The following ZFHX3 variants were observed in gnomAD, a reference collection of about 807,000 sequenced individuals.
ZFHX3 encodes zinc finger homeobox 3, also known as zinc finger homeobox protein 3.
A neutral mutation model predicts 279.1 loss-of-function variants in ZFHX3; 42 were observed. That is an observed-to-expected ratio of 0.15 (90% CI 0.12 to 0.19). ZFHX3 has a LOEUF of 0.19. ZFHX3 is among the 10% of genes least tolerant of loss of function. The pLI, the probability that ZFHX3 is intolerant of heterozygous loss-of-function variation, is 1.00. For synonymous variants in ZFHX3, 2,293 were observed against 1,957.8 expected, an observed-to-expected ratio of 1.17 and a Z score of -4.52; for missense variants, 4,981 against 4,754.0, an observed-to-expected ratio of 1.05 and a Z score of -1.40.
intron 5 of ZFHX3, among the ~76,000 whole-genome samples, chr16:73,145,543 T>C (rs1018005684): frequency 7.9e-5 from 12 of 152,356 alleles, no homozygotes; most frequent in Admixed American, 4.6e-4. Flanking sequence ...TGATTGTTGA[T>C]GGAGAGCCAG....
intron 3 of ZFHX3, among the ~76,000 whole-genome samples, chr16:73,397,430 T>C (rs2017152982): frequency 1.3e-5 from 2 of 152,090 alleles, no homozygotes; most frequent in Admixed American, 6.5e-5. Context: ...CTAAGTGTGA[T>C]GTGAAGCCAC....
chr16:73,057,970 G>C (rs1965597756), intron 1 of ZFHX3, among the ~76,000 whole-genome samples: 1 of 147,932 alleles, frequency 6.8e-6, no homozygotes, highest in South Asian at 2.1e-4. Context: ...CTCTCGGGGT[G>C]GGGCAAAGTT....
intron 2 of ZFHX3, among the ~76,000 whole-genome samples, chr16:73,462,333 A>C (rs946025054): frequency 6.6e-6 from 1 of 152,086 alleles, no homozygotes; most frequent in Non-Finnish European, 1.5e-5. Flanking sequence ...TGAGATTTTC[A>C]ATGTTGACAA....
intron 1 of ZFHX3, among the ~76,000 whole-genome samples, chr16:73,686,370 G>T (rs1356477418): frequency 6.6e-6 from 1 of 152,124 alleles, no homozygotes; most frequent in African/African-American, 2.4e-5. Context: ...CTGGGATAAG[G>T]CGTGAGCCAC....
At chr16:73,708,079 TG>T (rs57694938) in intron 1 of ZFHX3, among the ~76,000 whole-genome samples, 8 of 144,106 alleles carry the variant, frequency 5.6e-5, no homozygotes, top group African/African-American at 1.0e-4. Flanking sequence ...TTGGGTGTGG[TG>T]GGGGGGGGAA....
chr16:73,048,504 G>C (rs1029224029), upstream of ZFHX3: 1 of 152,206 alleles, frequency 6.6e-6, no homozygotes, highest in Non-Finnish European at 1.5e-5. Flanking sequence ...AACCGGCCCC[G>C]GCGGGAACAA....
chr16:73,135,415 T>A (rs1407955802), intron 6 of ZFHX3, among the ~76,000 whole-genome samples: 1 of 152,212 alleles, frequency 6.6e-6, no homozygotes, highest in Admixed American at 6.5e-5. Flanking sequence ...TTATTTTCTT[T>A]CGTGGATGGG....
intron 7 of ZFHX3, among the ~76,000 whole-genome samples, chr16:73,123,926 G>GT (rs1966529117): frequency 6.6e-6 from 1 of 152,090 alleles, no homozygotes; most frequent in Non-Finnish European, 1.5e-5. Context: ...CCAGTACATT[G>GT]ATCTTGGACT....
At chr16:73,297,120 G>A (rs1309152268) in intron 4 of ZFHX3, among the ~76,000 whole-genome samples, 2 of 151,766 alleles carry the variant, frequency 1.3e-5, no homozygotes, top group South Asian at 2.1e-4. Flanking sequence ...CTCGTGATCC[G>A]CCCGCCTAGG....
intron 4 of ZFHX3, among the ~76,000 whole-genome samples, chr16:73,311,446 T>A (rs2015322870): frequency 2.0e-5 from 1 of 50,256 alleles, no homozygotes; most frequent in Non-Finnish European, 4.1e-5. Flanking sequence ...AATACAAAAA[T>A]TAGCCAGGTG....
At chr16:73,145,846 C>T (rs1442913172) in intron 5 of ZFHX3, among the ~76,000 whole-genome samples, 2 of 152,144 alleles carry the variant, frequency 1.3e-5, no homozygotes. Flanking sequence ...TATAAGAGGT[C>T]CTGCAAGTCC....
In ZFHX3 at chr16:73,493,586, C is replaced by T. The variant is rs185167109; in HGVS notation, c.-1546-37328G>A. Among the ~76,000 whole-genome samples, 472 of 152,320 alleles carry T rather than the reference C, an allele frequency of 3.1e-3. 3 individuals are homozygous for T. The highest frequency in any genetic ancestry group is 0.011 in the African/African-American group (444 of 41,576). ...GCATGGGCAGGGCCAGGCTGGCCCACTGTACCTGGGAAGGACAGGTTCACA... is the reference window on the plus strand; with the variant it reads ...GCATGGGCAGGGCCAGGCTGGCCCATTGTACCTGGGAAGGACAGGTTCACA... On this transcript the variant is annotated intron_variant, in intron 2 of 17. Transcript: ENST00000641206.
intron 2 of ZFHX3, among the ~76,000 whole-genome samples, chr16:73,629,380 A>T (rs2052447552): frequency 6.6e-6 from 1 of 152,148 alleles, no homozygotes; most frequent in African/African-American, 2.4e-5. Flanking sequence ...CTTAGGGAAA[A>T]AAAAAAGTCA....
At chr16:72,870,541 C>T (rs980782552) in intron 4 of ZFHX3, among the ~76,000 whole-genome samples, 8 of 151,852 alleles carry the variant, frequency 5.3e-5, no homozygotes, top group Non-Finnish European at 1.0e-4. Flanking sequence ...AACCCTGCCT[C>T]TACTAAAAAT....
At chr16:73,848,669 T>C (rs1446954420) in intron 1 of ZFHX3, among the ~76,000 whole-genome samples, 2 of 152,208 alleles carry the variant, frequency 1.3e-5, no homozygotes, top group African/African-American at 4.8e-5. Context: ...TTAGATACCA[T>C]CTAATCAAAT....
At chr16:73,477,238 A>G (rs972479206) in intron 2 of ZFHX3, among the ~76,000 whole-genome samples, 25 of 152,228 alleles carry the variant, frequency 1.6e-4, no homozygotes, top group African/African-American at 5.8e-4. Context: ...ATATTCTGTT[A>G]GCAAATCTTG....
chr16:73,626,776 T>C (rs2052421211), intron 2 of ZFHX3, among the ~76,000 whole-genome samples: 2 of 152,210 alleles, frequency 1.3e-5, no homozygotes, highest in Admixed American at 1.3e-4. Flanking sequence ...ACTCCTTAAA[T>C]TGTTTGCAAC....
intron 3 of ZFHX3, among the ~76,000 whole-genome samples, chr16:72,920,949 G>C (rs1277879132): frequency 6.6e-6 from 1 of 151,080 alleles, no homozygotes; most frequent in Admixed American, 6.6e-5. Flanking sequence ...GTGTATGCCT[G>C]TATTCCTAGC....
intron 3 of ZFHX3, among the ~76,000 whole-genome samples, chr16:73,428,525 G>C (rs1407897736): frequency 6.6e-6 from 1 of 152,150 alleles, no homozygotes; most frequent in Non-Finnish European, 1.5e-5. Flanking sequence ...CCAGCCACCA[G>C]CGAGGACAGC....
Sources: gnomAD v4.1 joint callset for allele counts (sites outside exome capture counted in the v4.1 genomes callset) on GRCh38, gnomAD v4.1.1 for gene constraint, MANE v1.5 for transcripts, NCBI Gene and HGNC (gene_info 2026-07-23, HGNC 2026-07-21) for gene names.